Variants in BTAF1 observed in about 807,000 individuals in gnomAD.
BTAF1 encodes the protein B-TFIID TATA-box binding protein associated factor 1.
BTAF1 carries 38 observed loss-of-function variants against 227.1 expected under a neutral mutation model. The observed-to-expected ratio is 0.17, with a 90% CI of 0.13 to 0.22. BTAF1 has a LOEUF of 0.22. Among genes scored for constraint, BTAF1 ranks in the 10% least tolerant of loss-of-function variants. The pLI is 1.00. For missense variants in BTAF1, 1,598 were observed against 2,204.0 expected (o/e 0.73, Z 5.51); for synonymous variants, 742 against 751.9 (o/e 0.99, Z 0.21).
chr10:91,958,393 T>A (rs1846247787), intron 8 of BTAF1, among the ~76,000 whole-genome samples: 1 of 152,012 alleles, frequency 6.6e-6, no homozygotes, highest in Admixed American at 6.5e-5. Flanking sequence ...TGAAAATACA[T>A]GTGTTGGGAT....
chr10:91,927,100 C>G (rs1423917342), intron 1 of BTAF1, among the ~76,000 whole-genome samples: 2 of 151,728 alleles, frequency 1.3e-5, no homozygotes, highest in Non-Finnish European at 2.9e-5. Context: ...AGCCCCATCT[C>G]AGGTATGGCT....
Position 91,939,057 on chromosome 10 carries a change from A to G in BTAF1, c.139-895A>G, listed in dbSNP as rs1460384759. 4.6e-5 allele frequency among the ~76,000 whole-genome samples: 7 copies of G among 151,634 alleles called. No individual in the cohort carries two copies. The South Asian group carries it at 6.2e-4, about 14-fold the overall frequency. On this transcript the variant is annotated intron_variant, in intron 2 of 37. Transcript: ENST00000265990. ...TAATTTATAGTATATTACTGTTGTA[A>G]CAATCTGAAGTCTTTGAATCCATGA... is the stretch of plus-strand genomic sequence containing the variant.
In BTAF1 at chr10:92,024,731, A is replaced by AGTTTTTTTGT. The variant is rs141297800; in HGVS notation, c.4864-17_4864-16insGTGTTTTTTT. On this transcript the variant is annotated intron_variant, in intron 34 of 37. Coordinates refer to ENST00000265990, the MANE Select transcript of BTAF1 (RefSeq NM_003972.3). ...TTCTGCTTTTATTGAACGCTTATGT[A>AGTTTTTTTGT]GTTTTTTTTTTTTTTCTTCCTAAGT... is the stretch of plus-strand genomic sequence containing the variant. 2.2e-5 allele frequency: 21 copies of AGTTTTTTTGT among 954,556 alleles called. No homozygotes were observed. The African/African-American group carries it at 3.5e-4, about 16-fold the overall frequency. 59.1% of individuals were successfully genotyped at this position (954,556 alleles called of 1,614,324 possible). A position where few individuals can be genotyped will look rare whatever the true frequency, so the allele number is the denominator to read the frequency against.
rs376074226 is a variant in BTAF1 at position 91,991,820 on chromosome 10, T to C, written c.2855-299T>C. Among the ~76,000 whole-genome samples, 14 of 102,588 alleles carry C rather than the reference T, an allele frequency of 1.4e-4. No homozygotes were observed. The East Asian group carries it at 3.3e-3, about 24-fold the overall frequency. 67.3% of individuals were successfully genotyped at this position (102,588 alleles called of 152,430 possible). On this transcript the variant is annotated intron_variant, in intron 20 of 37. Coordinates refer to ENST00000265990, the MANE Select transcript of BTAF1 (RefSeq NM_003972.3). The stretch of plus-strand genomic sequence containing the variant: ...GTGTATATATATATATATATATATA[T>C]ATATATATATATACACACATATATA...
chr10:91,943,797 T>A (rs1436364620), intron 4 of BTAF1, among the ~76,000 whole-genome samples: 1 of 152,166 alleles, frequency 6.6e-6, no homozygotes, highest in African/African-American at 2.4e-5. Context: ...TTATATATAT[T>A]TTGGTTTTGC....
rs528715728 is a variant in BTAF1, at chr10:91,954,489, C to G, written c.701+616C>G. Among the ~76,000 whole-genome samples the G allele has an allele frequency of 3.9e-5, 6 of 152,022 alleles. No homozygotes were observed. In the East Asian group the frequency reaches 9.7e-4, roughly 24 times the overall value. The stretch of plus-strand genomic sequence containing the variant: ...ATGCATGGCTTGGAGCAGCATTTCT[C>G]AAAGGGTGGTTCAAAACTATTTCCT... On this transcript the variant is annotated intron_variant, in intron 6 of 37. Coordinates refer to ENST00000265990, the MANE Select transcript of BTAF1 (RefSeq NM_003972.3).
At chr10:91,988,363 G>T (rs74149346) in intron 19 of BTAF1, among the ~76,000 whole-genome samples, 10 of 152,218 alleles carry the variant, frequency 6.6e-5, no homozygotes, top group African/African-American at 2.4e-4. Context: ...GTGGATTTAG[G>T]ACAATGTTTT....
intron 14 of BTAF1, among the ~76,000 whole-genome samples, chr10:91,970,177 T>C (rs1349372120): frequency 6.6e-6 from 1 of 152,090 alleles, no homozygotes; most frequent in Non-Finnish European, 1.5e-5. Context: ...AATATGACTC[T>C]TTATCATTTC....
Position 92,008,961 on chromosome 10 carries a change from A to G in BTAF1, c.3935+11A>G, listed in dbSNP as rs746678246. 1 of 1,612,072 alleles carries G rather than the reference A, an allele frequency of 6.2e-7. No homozygotes were observed. Among genetic ancestry groups the G allele is most frequent in the Admixed American group, 1.7e-5 (1 of 59,526 alleles). ...AGATCATTGTCATAGGTAATTTAAG[A>G]TGTTATTTTAAAATAAGGTTTCCGG... On this transcript the variant is annotated intron_variant, in intron 27 of 37. Coordinates refer to ENST00000265990, the MANE Select transcript of BTAF1 (RefSeq NM_003972.3).
Position 92,030,393 on chromosome 10 carries a change from A to G in BTAF1, c.*1460A>G, listed in dbSNP as rs1378799779. On this transcript the variant is annotated 3_prime_UTR_variant, in exon 38 of 38. Transcript: ENST00000265990. Reference sequence around the variant, plus strand: ...AGAGCAAAAGATTATTCAGGTATACAGGTTTTTTTTCATTGTTTAGGATTT... The same window carrying G: ...AGAGCAAAAGATTATTCAGGTATACGGGTTTTTTTTCATTGTTTAGGATTT... The G allele has an allele frequency of 6.6e-6, 1 of 152,404 alleles. No individual in the cohort carries two copies. Among genetic ancestry groups the G allele is most frequent in the Non-Finnish European group, 1.5e-5 (1 of 67,976 alleles). 9.4% of individuals were successfully genotyped at this position (152,404 alleles called of 1,614,324 possible). A position where few individuals can be genotyped will look rare whatever the true frequency, so the allele number is the denominator to read the frequency against.
At chr10:91,973,349 G>GAGA (rs1460064768) in intron 14 of BTAF1, among the ~76,000 whole-genome samples, 3 of 152,176 alleles carry the variant, frequency 2.0e-5, no homozygotes, top group African/African-American at 7.2e-5. Context: ...TGGATCAAGT[G>GAGA]AGATAATGTG....
intron 1 of BTAF1, among the ~76,000 whole-genome samples, chr10:91,929,685 G>T (rs73312366): frequency 0.012 from 1,799 of 152,114 alleles, 34 homozygotes; most frequent in African/African-American, 0.04. Context: ...GACAACACAG[G>T]TTTTCCAGGC....
chr10:91,994,691 G>A lies in BTAF1; in HGVS notation c.3309+47G>A, dbSNP rs373849697. The stretch of plus-strand genomic sequence containing the variant: ...AATATTTCTTCAAATAAAACAAGTG[G>A]TCTTATTAAAAAGTCTTAAGGTTTG... On this transcript the variant is annotated intron_variant, in intron 23 of 37. Transcript: ENST00000265990. 2,563 of 1,499,080 alleles carry A rather than the reference G, an allele frequency of 1.7e-3. 2 individuals are homozygous for A. The highest frequency in any genetic ancestry group is 2.3e-3 in the Non-Finnish European group (2,437 of 1,079,162). The allele number at this position is 1,499,080 out of a possible 1,614,324, so 92.9% of individuals were successfully genotyped here. A position where few individuals can be genotyped will look rare whatever the true frequency, so the allele number is the denominator to read the frequency against.
intron 22 of BTAF1, 98 bp from the exon 23 acceptor site, chr10:91,994,437 G>A (rs1033649669): frequency 1.4e-6 from 1 of 738,382 alleles, no homozygotes; most frequent in East Asian, 2.8e-5. Context: ...AAGCAAAATT[G>A]ACTCTCCTAT....
intron 11 of BTAF1, among the ~76,000 whole-genome samples, chr10:91,960,642 T>TA (rs1049331648): frequency 3.3e-5 from 5 of 152,028 alleles, no homozygotes; most frequent in Admixed American, 6.5e-5. Flanking sequence ...AAAATGCATG[T>TA]AGTCTTATTA....
In BTAF1 at chr10:92,008,230, T is replaced by C; in HGVS notation, c.3768T>C (p.Tyr1256=). The C allele has an allele frequency of 1.3e-6, 2 of 1,598,954 alleles. No homozygotes were observed. The highest frequency in any genetic ancestry group is 8.5e-7 in the Non-Finnish European group (1 of 1,176,728). Residue 1256 remains tyrosine (Y), a synonymous_variant, in exon 26 of 38, where the codon TAT becomes TAC. Coordinates refer to ENST00000265990, the MANE Select transcript of BTAF1 (RefSeq NM_003972.3). The stretch of plus-strand genomic sequence containing the variant: ...TAGATGGGAAAAAATTGGAAAATTA[T>C]AAAATTCCAGTACCAATCAATGCTG... ...QLLDGKKLEN[Y]KIPVPINAEL...
intron 3 of BTAF1, among the ~76,000 whole-genome samples, chr10:91,942,105 C>CT (rs1465086160): frequency 6.6e-6 from 1 of 152,102 alleles, no homozygotes; most frequent in Non-Finnish European, 1.5e-5. Flanking sequence ...TGGTGAGACC[C>CT]TTGTCTCTAC....
At chr10:91,997,383 T>A (rs1338062607) in intron 24 of BTAF1, among the ~76,000 whole-genome samples, 1 of 152,254 alleles carries the variant, frequency 6.6e-6, no homozygotes, top group South Asian at 2.1e-4. Flanking sequence ...CATAATTTTA[T>A]ATTCCTAATC....
intron 14 of BTAF1, among the ~76,000 whole-genome samples, chr10:91,969,341 CAAA>C (rs993012288): frequency 6.7e-6 from 1 of 148,922 alleles, no homozygotes; most frequent in African/African-American, 2.5e-5. Flanking sequence ...TTTTTTGCCA[CAAA>C]AAAAAAGTTA....
Sources: allele counts gnomAD v4.1 joint callset (sites outside exome capture counted in the v4.1 genomes callset), GRCh38; gene constraint gnomAD v4.1.1; transcripts MANE v1.5; gene names NCBI Gene and HGNC (gene_info 2026-07-23, HGNC 2026-07-21).